NELL1: variants seen among roughly 807,000 people sequenced by gnomAD.
NELL1 encodes the protein neural EGFL like 1, also known as protein kinase C-binding protein NELL1.
In NELL1, 76 loss-of-function variants were observed where a neutral mutation model predicts 107.4. That is an observed-to-expected ratio of 0.71 (90% CI 0.59 to 0.86). The LOEUF (loss-of-function observed/expected upper bound fraction) is 0.86, where lower values mean the gene tolerates loss of function less well. Ranked by LOEUF, NELL1 falls within the 40% of genes least tolerant of loss-of-function variation. The pLI is 0.00. For missense variants in NELL1, 1,024 were observed against 1,005.5 expected (o/e 1.02, Z -0.25); for synonymous variants, 353 against 341.2 (o/e 1.03, Z -0.38).
At chr11:21,378,451 C>T (rs1345992845) in intron 15 of NELL1, among the ~76,000 whole-genome samples, 5 of 151,662 alleles carry the variant, frequency 3.3e-5, no homozygotes, top group Admixed American at 3.3e-4. Context: ...TGGATGATAT[C>T]CATCATGTGC....
chr11:21,147,861 AAAAAG>A (rs1554973455), intron 13 of NELL1, among the ~76,000 whole-genome samples: 3 of 147,104 alleles, frequency 2.0e-5, no homozygotes, highest in African/African-American at 5.0e-5. Context: ...AAAAAAAAAA[AAAAAG>A]AAAAGAAAAG....
intron 13 of NELL1, among the ~76,000 whole-genome samples, chr11:21,147,314 G>A (rs993328562): frequency 1.6e-4 from 24 of 152,306 alleles, no homozygotes; most frequent in Non-Finnish European, 2.9e-5. Flanking sequence ...GAATCTCTCT[G>A]TGGGAGATGT....
At position 21,193,621 on chromosome 11, in the gene NELL1, C is replaced by T. The variant is rs141601569; in HGVS notation, c.1427-35711C>T. Among the ~76,000 whole-genome samples the T allele has an allele frequency of 4.4e-4, 67 of 151,796 alleles. No homozygotes were observed. The East Asian group carries it at 0.012, about 27-fold the overall frequency. The stretch of plus-strand genomic sequence containing the variant: ...TATAAGTACATTTAAAGTGGAAATG[C>T]TTAGGGAAGTTTGTGACTAGGAGAT... On this transcript the variant is annotated intron_variant, in intron 13 of 19. Transcript: ENST00000357134.
At chr11:21,221,744 G>A (rs1857762652) in intron 13 of NELL1, among the ~76,000 whole-genome samples, 2 of 152,136 alleles carry the variant, frequency 1.3e-5, no homozygotes, top group Admixed American at 6.6e-5. Flanking sequence ...CCAGGGTGGA[G>A]TGAAGTGGCA....
At chr11:21,134,453 C>T (rs1855696226) in intron 13 of NELL1, among the ~76,000 whole-genome samples, 1 of 152,168 alleles carries the variant, frequency 6.6e-6, no homozygotes, top group South Asian at 2.1e-4. Context: ...TTAGCCTTCA[C>T]TGGGGATGAG....
intron 13 of NELL1, among the ~76,000 whole-genome samples, chr11:21,153,612 C>A (rs1856167972): frequency 6.6e-6 from 1 of 152,104 alleles, no homozygotes; most frequent in South Asian, 2.1e-4. Context: ...CAGTACTCTG[C>A]TAAATAATTT....
chr11:20,939,358 G>C (rs4923183), intron 10 of NELL1, among the ~76,000 whole-genome samples: 1 of 151,042 alleles, frequency 6.6e-6, no homozygotes, highest in African/African-American at 2.5e-5. Flanking sequence ...CAGAAGGCCA[G>C]ACCAGGCTTG....
At chr11:20,687,682 C>G (rs1027074936) in intron 2 of NELL1, among the ~76,000 whole-genome samples, 1 of 151,866 alleles carries the variant, frequency 6.6e-6, no homozygotes, top group Non-Finnish European at 1.5e-5. Flanking sequence ...ACCTCCGCCT[C>G]CTGGGTTCAA....
chr11:20,803,139 G>T (rs1356598771), intron 3 of NELL1, among the ~76,000 whole-genome samples: 2 of 151,992 alleles, frequency 1.3e-5, no homozygotes, highest in Non-Finnish European at 2.9e-5. Context: ...AGTAGGATTG[G>T]TATTAGTTTT....
At chr11:21,310,350 T>C (rs1380122794) in intron 14 of NELL1, among the ~76,000 whole-genome samples, 1 of 152,108 alleles carries the variant, frequency 6.6e-6, no homozygotes, top group Admixed American at 6.6e-5. Context: ...TTTAGTGCTA[T>C]GCAAGGAGTA....
intron 13 of NELL1, among the ~76,000 whole-genome samples, chr11:21,151,137 G>A (rs780598172): frequency 2.0e-5 from 3 of 152,160 alleles, no homozygotes; most frequent in African/African-American, 4.8e-5. Flanking sequence ...GGGACACAGT[G>A]CCAAACCATA....
chr11:21,178,258 G>A (rs4923403), intron 13 of NELL1, among the ~76,000 whole-genome samples: 114,705 of 151,440 alleles, frequency 0.76, 43,876 homozygotes, highest in African/African-American at 0.84. Context: ...ACCTGAGGCT[G>A]CTAATCACTA....
chr11:21,511,846 A>G (rs1855442958), intron 15 of NELL1, among the ~76,000 whole-genome samples: 1 of 152,186 alleles, frequency 6.6e-6, no homozygotes, highest in Non-Finnish European at 1.5e-5. Flanking sequence ...AGGGAGTCAT[A>G]ATATTGTTCA....
chr11:20,845,254 A>G (rs1848683396), intron 3 of NELL1, among the ~76,000 whole-genome samples: 1 of 152,146 alleles, frequency 6.6e-6, no homozygotes, highest in Admixed American at 6.5e-5. Flanking sequence ...TCTCCTAGCT[A>G]TATATTTGTG....
intron 15 of NELL1, among the ~76,000 whole-genome samples, chr11:21,471,252 A>G (rs1854172865): frequency 6.6e-6 from 1 of 152,032 alleles, no homozygotes. Flanking sequence ...AAAAAAAAAT[A>G]GGCTTGGAAA....
chr11:21,141,404 T>C (rs1032288642), intron 13 of NELL1, among the ~76,000 whole-genome samples: 2 of 152,194 alleles, frequency 1.3e-5, no homozygotes, highest in African/African-American at 4.8e-5. Context: ...AATTGGCGTT[T>C]CCTATTTGTT....
At chr11:20,703,204 A>G (rs1854844228) in intron 2 of NELL1, among the ~76,000 whole-genome samples, 1 of 151,868 alleles carries the variant, frequency 6.6e-6, no homozygotes. Context: ...CTATTCAGGG[A>G]TTGAACTTCC....
At chr11:21,476,690 G>A (rs956300875) in intron 15 of NELL1, among the ~76,000 whole-genome samples, 3 of 152,168 alleles carry the variant, frequency 2.0e-5, no homozygotes, top group Non-Finnish European at 4.4e-5. Flanking sequence ...GGCACTGAAA[G>A]AGGAAGAGTG....
chr11:21,188,821 C>T (rs1253443452), intron 13 of NELL1, among the ~76,000 whole-genome samples: 1 of 151,726 alleles, frequency 6.6e-6, no homozygotes, highest in African/African-American at 2.4e-5. Flanking sequence ...ACACTATAAG[C>T]ATTTTCCTTT....
Sources: allele counts gnomAD v4.1 joint callset (sites outside exome capture counted in the v4.1 genomes callset), GRCh38; gene constraint gnomAD v4.1.1; transcripts MANE v1.5; gene names NCBI Gene and HGNC (gene_info 2026-07-23, HGNC 2026-07-21).